HPS5: variants seen among roughly 807,000 people sequenced by gnomAD.
HPS5 encodes HPS5 biogenesis of lysosomal organelles complex 2 subunit 2, also known as BLOC-2 complex member HPS5.
In HPS5, 83 loss-of-function variants were observed where a neutral mutation model predicts 128.0. That is an observed-to-expected ratio of 0.65 (90% confidence interval 0.54 to 0.78). HPS5 has a LOEUF of 0.78. Ranked by LOEUF, HPS5 falls within the 30% of genes least tolerant of loss-of-function variation. The probability of loss-of-function intolerance (pLI) is 0.00; values close to 1 mark genes in which losing one functional copy is unlikely to be tolerated. For synonymous variants in HPS5, 475 were observed against 470.2 expected (o/e 1.01, Z -0.13); for missense variants, 1,281 against 1,326.2 (o/e 0.97, Z 0.53).
At chr11:18,301,901 C>T (rs1014187528) in intron 8 of HPS5, among the ~76,000 whole-genome samples, 8 of 152,082 alleles carry the variant, frequency 5.3e-5, no homozygotes, top group Admixed American at 1.3e-4. Context: ...AGTCTGGCTC[C>T]AAAACCTGGA....
At chr11:18,285,918 A>G (rs1012156824) in intron 19 of HPS5, among the ~76,000 whole-genome samples, 1 of 152,236 alleles carries the variant, frequency 6.6e-6, no homozygotes, top group African/African-American at 2.4e-5. Flanking sequence ...ATTTTTAGGA[A>G]GAAAACACAT....
intron 18 of HPS5, chr11:18,287,010 G>A (rs1016681975): frequency 6.8e-6 from 4 of 589,402 alleles, no homozygotes; most frequent in Non-Finnish European, 5.9e-6. Flanking sequence ...GTTTGAGGCT[G>A]TAGTATGCTA....
intron 8 of HPS5, among the ~76,000 whole-genome samples, chr11:18,305,183 T>C (rs757832345): frequency 4.6e-5 from 7 of 152,226 alleles, no homozygotes; most frequent in Non-Finnish European, 5.9e-5. Flanking sequence ...TTAGCTCCAA[T>C]TGTTAGAAGT....
intron 20 of HPS5, among the ~76,000 whole-genome samples, chr11:18,284,555 A>C (rs1397381823): frequency 6.6e-6 from 1 of 152,162 alleles, no homozygotes; most frequent in East Asian, 1.9e-4. Context: ...TTTTTGCACC[A>C]AGTAGTTCAG....
At chr11:18,289,300 T>A (rs918245451) in intron 16 of HPS5, among the ~76,000 whole-genome samples, 3 of 152,210 alleles carry the variant, frequency 2.0e-5, no homozygotes, top group African/African-American at 7.2e-5. Context: ...GGAAGCCTGA[T>A]GACTGCGCGG....
intron 9 of HPS5, 101 bp from the exon 10 acceptor site, chr11:18,299,071 G>T: frequency 8.8e-7 from 1 of 1,140,256 alleles, no homozygotes; most frequent in Non-Finnish European, 1.3e-6. Context: ...TCTTACGTAG[G>T]GTTTGGCTTG....
intron 22 of HPS5, among the ~76,000 whole-genome samples, chr11:18,281,254 C>T (rs12795888): frequency 0.99 from 148,727 of 149,812 alleles, 73,828 homozygotes; most frequent in South Asian, 1. Flanking sequence ...AATTTTTTTG[C>T]ATTTTTTTTT....
Position 18,282,154 on chromosome 11 carries a change from C to G in HPS5, c.3125G>C (p.Arg1042Thr), listed in dbSNP as rs1226877146. 3.1e-6 allele frequency: 5 copies of G among 1,614,170 alleles called. No homozygotes were observed. The highest frequency in any genetic ancestry group is 3.4e-6 in the Non-Finnish European group (4 of 1,180,028). Reference sequence around the variant, plus strand: ...ATTTAGTGACTCCTGGGGGGCTGGCCTCGTGCTCTTGCTCTGTATGAGATG... The same window carrying G: ...ATTTAGTGACTCCTGGGGGGCTGGCGTCGTGCTCTTGCTCTGTATGAGATG... Reference protein sequence around the residue: ...LLHLIQSKSTRPAPQESLNGS... With the variant: ...LLHLIQSKSTTPAPQESLNGS... The change falls in exon 22 of 23, where the codon AGG (arginine) becomes ACG (threonine). Residue 1042 changes from arginine (R) to threonine (T), a missense_variant. Arg to Thr is a moderately conservative substitution (Grantham distance 71). Coordinates refer to ENST00000349215, the MANE Select transcript of HPS5 (RefSeq NM_181507.2).
At chr11:18,314,228 A>T (rs1179873106) in intron 2 of HPS5, among the ~76,000 whole-genome samples, 1 of 151,902 alleles carries the variant, frequency 6.6e-6, no homozygotes. Context: ...GCAACATAGT[A>T]AGACCGCATC....
chr11:18,286,533 T>A, intron 19 of HPS5, 58 bp downstream of exon 19: 4 of 1,522,196 alleles, frequency 2.6e-6, no homozygotes, highest in Non-Finnish European at 3.6e-6. Context: ...CAGAGTGAGA[T>A]CCTGTCTCAA....
intron 2 of HPS5, among the ~76,000 whole-genome samples, chr11:18,312,982 T>C (rs992216013): frequency 6.6e-6 from 1 of 152,216 alleles, no homozygotes; most frequent in Non-Finnish European, 1.5e-5. Context: ...CTAACTGATA[T>C]CAAGCCTCAA....
chr11:18,304,815 T>C (rs1224798736), intron 8 of HPS5, among the ~76,000 whole-genome samples: 1 of 152,248 alleles, frequency 6.6e-6, no homozygotes, highest in Non-Finnish European at 1.5e-5. Flanking sequence ...CATACACTGG[T>C]ACTCTTGCTC....
At chr11:18,301,454 CAAAAA>C (rs899074500) in intron 8 of HPS5, among the ~76,000 whole-genome samples, 6 of 52,098 alleles carry the variant, frequency 1.2e-4, no homozygotes, top group African/African-American at 3.3e-4. Context: ...GACTCTGTCT[CAAAAA>C]AAAAAAAAAA....
In HPS5 at chr11:18,291,634, A is replaced by G; in HGVS notation, c.2248T>C (p.Leu750=). Reference sequence around the variant, plus strand: ...CTGGTGCTTTTGATCTTAGAATTCAATACATTCAACTCCAAACATAATGTT... The same window carrying G: ...CTGGTGCTTTTGATCTTAGAATTCAGTACATTCAACTCCAAACATAATGTT... ...LTTLCLELNV[L]NSKIKSTSGH... is the part of the protein sequence containing the mutation. Residue 750 remains leucine, a synonymous_variant, in exon 16 of 23, where the codon TTG becomes CTG. Coordinates refer to ENST00000349215, the MANE Select transcript of HPS5 (RefSeq NM_181507.2). 6.2e-7 allele frequency: 1 copy of G among 1,614,228 alleles called. No individual in the cohort carries two copies. Among genetic ancestry groups the G allele is most frequent in the Non-Finnish European group, 8.5e-7 (1 of 1,180,032 alleles).
intron 18 of HPS5, chr11:18,286,930 A>T (rs1446454764): frequency 2.1e-5 from 13 of 623,434 alleles, no homozygotes; most frequent in African/African-American, 5.5e-5. Context: ...AAGGGAGAGA[A>T]AGAGAGAGAG....
chr11:18,302,627 T>A (rs995409723), intron 8 of HPS5, among the ~76,000 whole-genome samples: 2 of 152,064 alleles, frequency 1.3e-5, no homozygotes, highest in African/African-American at 4.8e-5. Context: ...AATGGTTCCA[T>A]GTGGCTATGA....
At chr11:18,311,887 G>A (rs1863066072) in intron 3 of HPS5, 27 bp downstream of exon 3, 8 of 1,358,380 alleles carry the variant, frequency 5.9e-6, no homozygotes, top group Admixed American at 1.7e-5. Context: ...TCCAAATGGT[G>A]TATGACAGAG....
At chr11:18,309,525 T>C (rs1862731821) in intron 5 of HPS5, among the ~76,000 whole-genome samples, 1 of 151,206 alleles carries the variant, frequency 6.6e-6, no homozygotes, top group Non-Finnish European at 1.5e-5. Flanking sequence ...AAATAAAGTT[T>C]TGGAGTATGT....
chr11:18,317,641 G>A, intron 2 of HPS5, 110 bp downstream of exon 2: 2 of 1,004,956 alleles, frequency 2.0e-6, no homozygotes, highest in South Asian at 2.8e-5. Flanking sequence ...GTATGACTAG[G>A]ACAGGTAAGA....
Sources: allele counts gnomAD v4.1 joint callset (sites outside exome capture counted in the v4.1 genomes callset), GRCh38; gene constraint gnomAD v4.1.1; transcripts MANE v1.5; gene names NCBI Gene and HGNC (gene_info 2026-07-23, HGNC 2026-07-21).